HIVEP1: variants seen among roughly 807,000 people sequenced by gnomAD.
HIVEP1 encodes HIVEP zinc finger 1.
HIVEP1 carries 36 observed loss-of-function variants against 180.0 expected under a neutral mutation model. The ratio of observed to expected loss-of-function variants is 0.20; its 90% CI spans 0.15 to 0.26. The LOEUF is 0.26. HIVEP1 is among the 10% of genes least tolerant of loss of function. The pLI is 1.00. For synonymous variants in HIVEP1, 1,239 were observed against 1,239.0 expected, an observed-to-expected ratio of 1.00 and a Z score of 0.00; for missense variants, 3,143 against 3,268.7, an observed-to-expected ratio of 0.96 and a Z score of 0.94.
At chr6:12,168,264 A>G (rs1300062781), downstream of HIVEP1, among the ~76,000 whole-genome samples, 2 of 133,236 alleles carry the variant, frequency 1.5e-5, no homozygotes, top group African/African-American at 5.8e-5. Flanking sequence ...ATACGTGTAT[A>G]TATACATATA....
At chr6:12,149,761 G>A (rs1441835752) in intron 7 of HIVEP1, among the ~76,000 whole-genome samples, 1 of 152,014 alleles carries the variant, frequency 6.6e-6, no homozygotes, top group Non-Finnish European at 1.5e-5. Context: ...TCTCTACTCT[G>A]CCAACCACAC....
intron 2 of HIVEP1, among the ~76,000 whole-genome samples, chr6:12,016,019 TTA>T (rs1429708929): frequency 8.4e-6 from 1 of 118,560 alleles, no homozygotes; most frequent in Non-Finnish European, 2.2e-5. Context: ...ATTAAGAATT[TTA>T]TGTTTTTTTT....
In HIVEP1 at chr6:12,144,355, C is replaced by T. The variant is rs528809634; in HGVS notation, c.6487+8463C>T. 3.3e-5 allele frequency among the ~76,000 whole-genome samples: 5 copies of T among 152,274 alleles called. No homozygotes were observed. The East Asian group carries it at 9.6e-4, about 29-fold the overall frequency. ...TAGAAAGCTGAAACTGGATCCCTTC[C>T]TTACACCTTATACAAAAATTGATTC... On this transcript the variant is annotated intron_variant, in intron 7 of 8. Transcript: ENST00000379388.
At chr6:12,170,910 C>A in the HIVEP1 span, among the ~76,000 whole-genome samples, 1 of 152,060 alleles carries the variant, frequency 6.6e-6, no homozygotes, top group African/African-American at 2.4e-5. Context: ...CACGAGTGAC[C>A]CAGTGCCAAG....
intron 2 of HIVEP1, among the ~76,000 whole-genome samples, chr6:12,053,923 A>G (rs186306822): frequency 5.4e-4 from 82 of 152,382 alleles, no homozygotes; most frequent in African/African-American, 1.9e-3. Context: ...AATATGACAA[A>G]TAGGATAACA....
chr6:12,130,822 A>G lies in HIVEP1; in HGVS notation c.6265A>G (p.Ile2089Val). ...CCGAGGCAGGGGAAGAGGAAAATAC[A>G]TTTGTGAAGAATGTGGAATACGTTG... The part of the protein sequence containing the change: ...YVRGRGRGKY[I>V]CEECGIRCKK... The change falls in exon 6 of 9, where the codon ATT (isoleucine) becomes GTT (valine). Residue 2089 changes from isoleucine to valine, a missense_variant. This residue lies in a region of HIVEP1 where 126 missense variants were observed against 168.5 expected (regional missense o/e 0.75). Transcript: ENST00000379388. The G allele has an allele frequency of 6.2e-7, 1 of 1,611,964 alleles. No homozygotes were observed. Among genetic ancestry groups the G allele is most frequent in the South Asian group, 1.1e-5 (1 of 91,026 alleles).
Position 12,124,617 on chromosome 6 carries a change from A to ATCTAATTT in HIVEP1, c.4822_4823insTCTAATTT (p.Ser1608IlefsTer2). The stretch of plus-strand genomic sequence containing the variant: ...AACATTACCAACCAAATTAATTGAC[A>ATCTAATTT]GCATGTCTAATTCGCATCCTCTGCT... On this transcript the variant is annotated stop_gained and frameshift_variant, in exon 4 of 9. Transcript: ENST00000379388. LOFTEE classifies it high-confidence loss of function. The ATCTAATTT allele has an allele frequency of 6.2e-7, 1 of 1,614,180 alleles. No homozygotes were observed. The highest frequency in any genetic ancestry group is 8.5e-7 in the Non-Finnish European group (1 of 1,180,034).
chr6:12,038,253 G>A (rs181790582), intron 2 of HIVEP1: 152 of 152,428 alleles, frequency 1.0e-3, no homozygotes, highest in Non-Finnish European at 1.2e-3. Context: ...TTTAATATTT[G>A]AGAACTATAT....
chr6:12,099,399 CT>C (rs1773973975), intron 3 of HIVEP1, among the ~76,000 whole-genome samples: 1 of 152,010 alleles, frequency 6.6e-6, no homozygotes, highest in Non-Finnish European at 1.5e-5. Flanking sequence ...ATCTCCTGAC[CT>C]CGTGATCCGC....
chr6:12,208,824 A>C, the HIVEP1 span, among the ~76,000 whole-genome samples: 1 of 152,230 alleles, frequency 6.6e-6, no homozygotes, highest in Non-Finnish European at 1.5e-5. Context: ...CCTCCAAAAC[A>C]GTGAGAAAAT....
At chr6:12,142,267 C>T (rs920212150) in intron 7 of HIVEP1, among the ~76,000 whole-genome samples, 2 of 152,312 alleles carry the variant, frequency 1.3e-5, no homozygotes, top group Non-Finnish European at 2.9e-5. Flanking sequence ...AACTGAACAA[C>T]ATGCTCCTGA....
At position 12,125,290 on chromosome 6, in the gene HIVEP1, A is replaced by G. The variant is rs1331295079; in HGVS notation, c.5495A>G (p.Asn1832Ser). ...EISNEAVNLTNVLPADNSSTG... is the reference protein window; with the variant it reads ...EISNEAVNLTSVLPADNSSTG... ...AGTAATGAGGCTGTTAATTTGACAA[A>G]TGTTTTACCAGCTGATAATTCATCA... is the stretch of plus-strand genomic sequence containing the variant. Residue 1832 changes from asparagine (N) to serine (S), a missense_variant, in exon 4 of 9, where the codon AAT becomes AGT. Physicochemically the swap from Asn to Ser is conservative, Grantham distance 46. Transcript: ENST00000379388. 2 of 1,613,732 alleles carry G rather than the reference A, an allele frequency of 1.2e-6. No homozygotes were observed. The highest frequency in any genetic ancestry group is 1.7e-6 in the Non-Finnish European group (2 of 1,179,884).
At chr6:12,147,742 T>C (rs921433800) in intron 7 of HIVEP1, among the ~76,000 whole-genome samples, 1 of 152,146 alleles carries the variant, frequency 6.6e-6, no homozygotes, top group Admixed American at 6.5e-5. Flanking sequence ...CCAGATGGAG[T>C]TTAACAGTTT....
chr6:12,185,192 T>C, the HIVEP1 span, among the ~76,000 whole-genome samples: 1 of 152,210 alleles, frequency 6.6e-6, no homozygotes, highest in Non-Finnish European at 1.5e-5. Flanking sequence ...CAGACACACC[T>C]TGCCTTTAGC....
At chr6:12,154,083 G>T (rs4484521) in intron 7 of HIVEP1, among the ~76,000 whole-genome samples, 27,246 of 152,186 alleles carry the variant, frequency 0.18, 2,946 homozygotes, top group East Asian at 0.47. Context: ...GGGAGGCGGA[G>T]GTTGCAGTGT....
At chr6:12,013,602 T>G (rs1237056719) in intron 1 of HIVEP1, among the ~76,000 whole-genome samples, 1 of 152,244 alleles carries the variant, frequency 6.6e-6, no homozygotes, top group African/African-American at 2.4e-5. Flanking sequence ...GTTCACGCTT[T>G]AAAAACTTCC....
At chr6:12,160,379 T>C (rs1760321683) in intron 7 of HIVEP1, among the ~76,000 whole-genome samples, 4 of 152,142 alleles carry the variant, frequency 2.6e-5, no homozygotes, top group Admixed American at 2.6e-4. Flanking sequence ...CAGAAGAAAT[T>C]GACAGGAAAT....
At position 12,122,156 on chromosome 6, in the gene HIVEP1, A is replaced by G; in HGVS notation, c.2361A>G (p.Ile787Met). 6.2e-7 allele frequency: 1 copy of G among 1,614,186 alleles called. No individual in the cohort carries two copies. Among genetic ancestry groups the G allele is most frequent in the Non-Finnish European group, 8.5e-7 (1 of 1,180,018 alleles). ...GCATTGATTCCCCCAAATCATACATATTTAAAGATTCTTTCCAGTTTGATT... is the reference window on the plus strand; with the variant it reads ...GCATTGATTCCCCCAAATCATACATGTTTAAAGATTCTTTCCAGTTTGATT... ...RGSIDSPKSY[I>M]FKDSFQFDLK... Residue 787 changes from isoleucine (I) to methionine (M), a missense_variant, in exon 4 of 9, where the codon ATA (isoleucine) becomes ATG (methionine). By Grantham distance (10) the Ile-to-Met change is conservative (BLOSUM62 1). Coordinates refer to ENST00000379388, the MANE Select transcript of HIVEP1 (RefSeq NM_002114.4).
In HIVEP1 at chr6:12,123,418, A is replaced by G; in HGVS notation, c.3623A>G (p.Glu1208Gly). The change falls in exon 4 of 9, where the codon GAA (glutamate) becomes GGA (glycine). Residue 1208 changes from glutamate (E) to glycine (G), a missense_variant. Physicochemically the swap from Glu to Gly is moderately conservative, Grantham distance 98. This residue lies in a region of HIVEP1 where 1,357 missense variants were observed against 1,260.5 expected (regional missense o/e 1.08). Coordinates refer to ENST00000379388, the MANE Select transcript of HIVEP1 (RefSeq NM_002114.4). ...LSDALRGELQ[E>G]SSRKSPSERH... ...GACGCTCTCAGAGGAGAACTTCAGGAAAGCTCCAGAAAGAGTCCAAGTGAA... is the reference window on the plus strand; with the variant it reads ...GACGCTCTCAGAGGAGAACTTCAGGGAAGCTCCAGAAAGAGTCCAAGTGAA... The G allele has an allele frequency of 6.2e-7, 1 of 1,614,206 alleles. No individual in the cohort carries two copies. The highest frequency in any genetic ancestry group is 8.5e-7 in the Non-Finnish European group (1 of 1,180,044).
Sources: gnomAD v4.1 joint callset for allele counts (sites outside exome capture counted in the v4.1 genomes callset) on GRCh38, gnomAD v4.1.1 for gene constraint, gnomAD v4.1.1 regional missense constraint, MANE v1.5 for transcripts, NCBI Gene and HGNC (gene_info 2026-07-23, HGNC 2026-07-21) for gene names.